Variants in ARMH4 observed in about 807,000 individuals in gnomAD.
ARMH4 encodes armadillo like helical domain containing 4.
Under a neutral mutation model 61.9 loss-of-function variants are expected in ARMH4, and 49 were observed. The observed-to-expected ratio is 0.79, with a 90% CI of 0.63 to 1.00. The LOEUF is 1.00. Ranked by LOEUF, ARMH4 falls within the 50% of genes least tolerant of loss-of-function variation. The pLI is 0.00. For missense variants in ARMH4, 934 were observed against 930.0 expected, an observed-to-expected ratio of 1.00 and a Z score of -0.06; for synonymous variants, 368 against 341.5, an observed-to-expected ratio of 1.08 and a Z score of -0.85.
chr14:58,103,729 A>T (rs545347288), intron 4 of ARMH4, among the ~76,000 whole-genome samples: 1 of 152,226 alleles, frequency 6.6e-6, no homozygotes, highest in South Asian at 2.1e-4. Context: ...ACTGGATTAC[A>T]GCTGTGAGCC....
intron 4 of ARMH4, among the ~76,000 whole-genome samples, chr14:58,123,521 G>C (rs549694323): frequency 2.6e-5 from 4 of 152,120 alleles, no homozygotes; most frequent in Non-Finnish European, 5.9e-5. Context: ...GGAGGTTAGT[G>C]CAAGAACTCA....
rs538110483 is a variant in ARMH4 at position 58,020,745 on chromosome 14, C to G, written c.2090-8595G>C. On this transcript the variant is annotated intron_variant, in intron 5 of 7. Transcript: ENST00000267485. ...TCCTTAGCTCTCCACTGGGCAACAACCAACTGAGTGGCAGAAATCTTAGGG... is the reference window on the plus strand; with the variant it reads ...TCCTTAGCTCTCCACTGGGCAACAAGCAACTGAGTGGCAGAAATCTTAGGG... Among the ~76,000 whole-genome samples, 19 of 152,304 alleles carry G rather than the reference C, an allele frequency of 1.2e-4. No individual in the cohort carries two copies. In the South Asian group the frequency reaches 1.9e-3, roughly 15 times the overall value.
intron 5 of ARMH4, among the ~76,000 whole-genome samples, chr14:58,036,691 A>C (rs955154444): frequency 8.0e-6 from 1 of 125,180 alleles, no homozygotes; most frequent in South Asian, 2.8e-4. Flanking sequence ...CTGATAAGCA[A>C]CTTCAGCAAA....
At chr14:58,025,096 G>C (rs1882979423) in intron 5 of ARMH4, among the ~76,000 whole-genome samples, 1 of 152,108 alleles carries the variant, frequency 6.6e-6, no homozygotes, top group Non-Finnish European at 1.5e-5. Context: ...AGTGCAGGTT[G>C]CCACGAACCC....
At chr14:58,136,966 T>C (rs985791976) in intron 2 of ARMH4, among the ~76,000 whole-genome samples, 1 of 152,218 alleles carries the variant, frequency 6.6e-6, no homozygotes. Flanking sequence ...ATGAGATAAC[T>C]GCAGTACTTA....
At chr14:58,146,685 G>A (rs60394086) in intron 1 of ARMH4, among the ~76,000 whole-genome samples, 1,654 of 152,270 alleles carry the variant, frequency 0.011, 36 homozygotes, top group African/African-American at 0.037. Context: ...AAAGACAAAC[G>A]AAAGGCAACA....
At chr14:58,143,456 TTTTG>T (rs1183769802) in intron 1 of ARMH4, among the ~76,000 whole-genome samples, 1 of 152,108 alleles carries the variant, frequency 6.6e-6, no homozygotes, top group Non-Finnish European at 1.5e-5. Flanking sequence ...CTAGCATTGT[TTTTG>T]TTTATTTGTA....
chr14:58,079,647 C>T lies in ARMH4; in HGVS notation c.2089+17077G>A, dbSNP rs867840734. Reference sequence around the variant, plus strand: ...CTAAATTTACCATATATTTATGTGCCCACAAAAACTCTATGTAAAAGTAGG... The same window carrying T: ...CTAAATTTACCATATATTTATGTGCTCACAAAAACTCTATGTAAAAGTAGG... On this transcript the variant is annotated intron_variant, in intron 5 of 7. Coordinates refer to ENST00000267485, the MANE Select transcript of ARMH4 (RefSeq NM_001001872.4). Among the ~76,000 whole-genome samples the T allele has an allele frequency of 2.0e-5, 3 of 152,236 alleles. No homozygotes were observed. The South Asian group carries it at 6.2e-4, about 32-fold the overall frequency.
At chr14:58,007,190 G>A (rs920383857) in intron 6 of ARMH4, among the ~76,000 whole-genome samples, 1 of 152,140 alleles carries the variant, frequency 6.6e-6, no homozygotes, top group Non-Finnish European at 1.5e-5. Flanking sequence ...ACTTTTGGAA[G>A]GTCAACTTGA....
chr14:58,095,934 T>A (rs554535467), intron 5 of ARMH4, among the ~76,000 whole-genome samples: 1 of 152,252 alleles, frequency 6.6e-6, no homozygotes, highest in Non-Finnish European at 1.5e-5. Flanking sequence ...AGAGATTAAT[T>A]CACCTCAGGT....
At chr14:58,050,017 T>G (rs1048977555) in intron 5 of ARMH4, among the ~76,000 whole-genome samples, 4 of 152,330 alleles carry the variant, frequency 2.6e-5, no homozygotes, top group African/African-American at 9.6e-5. Context: ...GGTCAAGATT[T>G]TTTTCTCCAT....
chr14:58,134,246 A>C (rs1887228786), intron 2 of ARMH4, among the ~76,000 whole-genome samples: 1 of 152,198 alleles, frequency 6.6e-6, no homozygotes, highest in African/African-American at 2.4e-5. Flanking sequence ...CCCAAGGAAC[A>C]CCTTGGAGAG....
chr14:58,021,009 C>T lies in ARMH4; in HGVS notation c.2090-8859G>A, dbSNP rs564541172. On this transcript the variant is annotated intron_variant, in intron 5 of 7. Transcript: ENST00000267485. ...CCAGGAAAAGCTGGTGTTTCATGCC[C>T]GAAGGCAGAGGGAAAAAAACAATGT... 2.3e-4 allele frequency among the ~76,000 whole-genome samples: 35 copies of T among 152,206 alleles called. 1 individual carries two copies. Among genetic ancestry groups the T allele is most frequent in the Middle Eastern group, 3.4e-3 (1 of 294 alleles).
intron 4 of ARMH4, among the ~76,000 whole-genome samples, chr14:58,115,003 AG>A (rs1886472425): frequency 6.6e-6 from 1 of 152,226 alleles, no homozygotes; most frequent in South Asian, 2.1e-4. Context: ...AAGAAAATCT[AG>A]AAAAAACCAT....
intron 5 of ARMH4, among the ~76,000 whole-genome samples, chr14:58,083,838 C>T (rs145382633): frequency 1.3e-3 from 202 of 152,344 alleles, no homozygotes; most frequent in Admixed American, 2.5e-3. Context: ...TTTGACTCCA[C>T]ATAGATTGGT....
chr14:58,118,068 T>C (rs1886591494), intron 4 of ARMH4, among the ~76,000 whole-genome samples: 1 of 152,168 alleles, frequency 6.6e-6, no homozygotes, highest in Admixed American at 6.5e-5. Flanking sequence ...ATTCTACTCA[T>C]CAGTGTGGGC....
chr14:58,131,287 CTTCTT>C (rs1179416590), intron 4 of ARMH4: 1 of 474,988 alleles, frequency 2.1e-6, no homozygotes. Flanking sequence ...AAATATTATT[CTTCTT>C]TTGACTTTTT....
At chr14:58,136,169 C>A (rs575464129) in intron 2 of ARMH4, among the ~76,000 whole-genome samples, 1 of 152,214 alleles carries the variant, frequency 6.6e-6, no homozygotes, top group South Asian at 2.1e-4. Flanking sequence ...AAAGTAGTGG[C>A]CTTTTAAAAG....
chr14:58,089,476 A>G (rs1473777160), intron 5 of ARMH4, among the ~76,000 whole-genome samples: 2 of 152,188 alleles, frequency 1.3e-5, no homozygotes, highest in Non-Finnish European at 2.9e-5. Context: ...CAGAAGGCCT[A>G]CTTCCCACAC....
Sources: gnomAD v4.1 joint callset for allele counts (sites outside exome capture counted in the v4.1 genomes callset) on GRCh38, gnomAD v4.1.1 for gene constraint, MANE v1.5 for transcripts, NCBI Gene and HGNC (gene_info 2026-07-23, HGNC 2026-07-21) for gene names.